RTN4RL1: variants seen among roughly 807,000 people sequenced by gnomAD.
RTN4RL1 encodes the protein reticulon-4 receptor-like 1.
A neutral mutation model predicts 25.6 loss-of-function variants in RTN4RL1; 7 were observed. The ratio of observed to expected loss-of-function variants is 0.27; its 90% CI spans 0.16 to 0.51. RTN4RL1 has a LOEUF of 0.51. Ranked by LOEUF, RTN4RL1 falls within the 20% of genes least tolerant of loss-of-function variation. The probability of loss-of-function intolerance (pLI) is 0.97; values close to 1 mark genes in which losing one functional copy is unlikely to be tolerated. For missense variants in RTN4RL1, 500 were observed against 615.6 expected (o/e 0.81, Z 1.99); for synonymous variants, 297 against 288.2 (o/e 1.03, Z -0.31).
In RTN4RL1 at chr17:2,010,223, G is replaced by A. The variant is rs915861243; in HGVS notation, c.13+14630C>T. 3.7e-5 allele frequency among the ~76,000 whole-genome samples: 4 copies of A among 108,314 alleles called. 1 individual carries two copies. Among genetic ancestry groups the A allele is most frequent in the Non-Finnish European group, 5.7e-5 (3 of 52,868 alleles). 71.1% of individuals were successfully genotyped at this position (108,314 alleles called of 152,430 possible). A position where few individuals can be genotyped will look rare whatever the true frequency, so the allele number is the denominator to read the frequency against. ...TATAATCCCAGCACTTTGGGAGGCC[G>A]ATGTGGGTAGATCACTTGAGGCCAG... On this transcript the variant is annotated intron_variant, in intron 1 of 1. Transcript: ENST00000331238.
intron 1 of RTN4RL1, among the ~76,000 whole-genome samples, chr17:1,985,716 C>G (rs373947989): frequency 1.3e-5 from 2 of 152,234 alleles, no homozygotes; most frequent in South Asian, 4.1e-4. Flanking sequence ...GGAAGCCAGC[C>G]GTCTGGTGGC....
intron 1 of RTN4RL1, among the ~76,000 whole-genome samples, chr17:1,939,158 C>T (rs1292435789): frequency 2.6e-5 from 4 of 152,006 alleles, no homozygotes; most frequent in South Asian, 2.1e-4. Context: ...CGAGACCATC[C>T]TGGCTAACAC....
In RTN4RL1 at chr17:2,024,966, T is replaced by C; in HGVS notation, c.-101A>G. 1.5e-6 allele frequency: 2 copies of C among 1,320,152 alleles called. No individual in the cohort carries two copies. Among genetic ancestry groups the C allele is most frequent in the Non-Finnish European group, 2.1e-6 (2 of 958,146 alleles). The allele number at this position is 1,320,152 out of a possible 1,614,324, so 81.8% of individuals were successfully genotyped here. ...GCCAGCTGCAGCTAATCCGAGCGCG[T>C]CGAGGCGGGGGCAAGCCGGGGATCC... is the stretch of plus-strand genomic sequence containing the variant. On this transcript the variant is annotated 5_prime_UTR_variant, in exon 1 of 2. Coordinates refer to ENST00000331238, the MANE Select transcript of RTN4RL1 (RefSeq NM_178568.4).
At chr17:1,957,123 A>G (rs1000568426) in intron 1 of RTN4RL1, among the ~76,000 whole-genome samples, 1 of 152,246 alleles carries the variant, frequency 6.6e-6, no homozygotes, top group African/African-American at 2.4e-5. Context: ...TAACGTTGGA[A>G]TGAACATCTT....
chr17:1,987,251 G>A lies in RTN4RL1; in HGVS notation c.13+37602C>T, dbSNP rs555682886. Among the ~76,000 whole-genome samples, 5 of 152,164 alleles carry A rather than the reference G, an allele frequency of 3.3e-5. No homozygotes were observed. In the East Asian group the frequency reaches 9.7e-4, roughly 30 times the overall value. ...GCCAGCTCAGCCCCCACCTTCCGGA[G>A]TGGGCTCGTACCCAATCAACACCTG... On this transcript the variant is annotated intron_variant, in intron 1 of 1. Coordinates refer to ENST00000331238, the MANE Select transcript of RTN4RL1 (RefSeq NM_178568.4).
At chr17:2,011,244 T>G (rs754153800) in intron 1 of RTN4RL1, among the ~76,000 whole-genome samples, 3 of 151,960 alleles carry the variant, frequency 2.0e-5, no homozygotes, top group African/African-American at 2.4e-5. Context: ...AGAGTGAAAC[T>G]CCATCTCAAA....
At chr17:2,013,705 C>T (rs2067082295) in intron 1 of RTN4RL1, among the ~76,000 whole-genome samples, 1 of 112,672 alleles carries the variant, frequency 8.9e-6, no homozygotes, top group Non-Finnish European at 1.8e-5. Context: ...AACATAAATA[C>T]GCCAGCTCCC....
intron 1 of RTN4RL1, among the ~76,000 whole-genome samples, chr17:1,982,862 G>A (rs1055288919): frequency 1.3e-5 from 2 of 152,124 alleles, no homozygotes; most frequent in African/African-American, 4.8e-5. Context: ...CCTCAGGGAG[G>A]GGCAGCGGCT....
chr17:1,987,791 C>A (rs2066893284), intron 1 of RTN4RL1, among the ~76,000 whole-genome samples: 1 of 151,908 alleles, frequency 6.6e-6, no homozygotes, highest in Non-Finnish European at 1.5e-5. Context: ...CATTATCCCA[C>A]AATATCTCTG....
intron 1 of RTN4RL1, among the ~76,000 whole-genome samples, chr17:1,947,050 C>CTG (rs140631174): frequency 6.3e-4 from 33 of 52,692 alleles, no homozygotes; most frequent in African/African-American, 1.6e-3. Context: ...GTGTGCGTCT[C>CTG]TGTGAATGTG....
At position 1,937,396 on chromosome 17, in the gene RTN4RL1, G is replaced by A. The variant is rs370252442; in HGVS notation, c.426C>T (p.Ala142=). 4.0e-5 allele frequency: 64 copies of A among 1,613,716 alleles called. No homozygotes were observed. The African/African-American group carries it at 5.2e-4, about 13-fold the overall frequency. The change falls in exon 2 of 2, where the codon GCC becomes GCT. Residue 142 remains alanine (A), a synonymous_variant. Transcript: ENST00000331238. The part of the protein sequence containing the change: ...LYKCGLSALP[A]GVFGGLHSLQ... ...GGCTGTGCAGGCCGCCAAAGACGCC[G>A]GCCGGCAAGGCGCTGAGCCCACACT... is the stretch of plus-strand genomic sequence containing the variant.
At chr17:1,949,820 G>A (rs1915637826) in intron 1 of RTN4RL1, among the ~76,000 whole-genome samples, 1 of 152,226 alleles carries the variant, frequency 6.6e-6, no homozygotes, top group Admixed American at 6.5e-5. Context: ...TAGAGACAAA[G>A]GAAGGGACCT....
chr17:1,971,505 T>C (rs1244106982), intron 1 of RTN4RL1, among the ~76,000 whole-genome samples: 1 of 152,152 alleles, frequency 6.6e-6, no homozygotes, highest in African/African-American at 2.4e-5. Context: ...GAGGTAGAAC[T>C]GAGGCTCTGA....
At chr17:1,967,143 C>A (rs559474164) in intron 1 of RTN4RL1, among the ~76,000 whole-genome samples, 1 of 149,132 alleles carries the variant, frequency 6.7e-6, no homozygotes, top group Non-Finnish European at 1.5e-5. Context: ...AGGCTCCCGC[C>A]GCTCCTCCCC....
chr17:2,023,040 G>C (rs2067229153), intron 1 of RTN4RL1, among the ~76,000 whole-genome samples: 1 of 152,234 alleles, frequency 6.6e-6, no homozygotes, highest in African/African-American at 2.4e-5. Flanking sequence ...TATAAATAAA[G>C]TGTGTGGGCT....
intron 1 of RTN4RL1, among the ~76,000 whole-genome samples, chr17:1,960,667 A>G (rs1018192930): frequency 1.3e-5 from 2 of 151,792 alleles, no homozygotes; most frequent in African/African-American, 2.4e-5. Flanking sequence ...CGTTTTCCTC[A>G]CCCCAAAAGG....
At chr17:1,951,504 T>G (rs1597491305) in intron 1 of RTN4RL1, among the ~76,000 whole-genome samples, 2 of 151,486 alleles carry the variant, frequency 1.3e-5, no homozygotes, top group South Asian at 4.2e-4. Flanking sequence ...CAGGCTGGAG[T>G]GCAGTGGTGC....
intron 1 of RTN4RL1, among the ~76,000 whole-genome samples, chr17:2,021,716 G>A (rs540848514): frequency 1.6e-4 from 24 of 151,790 alleles, no homozygotes; most frequent in Non-Finnish European, 3.2e-4. Flanking sequence ...CAGCACGCCC[G>A]GCTAATTTTT....
rs1173889999 is a variant in RTN4RL1 at position 1,998,817 on chromosome 17, A to T, written c.13+26036T>A. The stretch of plus-strand genomic sequence containing the variant: ...GTGGGGCTCTGCGAGGGCCCTAAAA[A>T]CGCTGGGGACGCGGGTTTGACGCAC... On this transcript the variant is annotated intron_variant, in intron 1 of 1. Coordinates refer to ENST00000331238, the MANE Select transcript of RTN4RL1 (RefSeq NM_178568.4). The surrounding 1 kb of genome is among the most constrained non-coding windows in gnomAD (Gnocchi z 4.9). 1.3e-5 allele frequency among the ~76,000 whole-genome samples: 2 copies of T among 151,880 alleles called. No individual in the cohort carries two copies. The highest frequency in any genetic ancestry group is 4.8e-5 in the African/African-American group (2 of 41,338).
Sources: allele counts gnomAD v4.1 joint callset (sites outside exome capture counted in the v4.1 genomes callset), GRCh38; gene constraint gnomAD v4.1.1; non-coding constraint Gnocchi (gnomAD v3.1); transcripts MANE v1.5; gene names NCBI Gene and HGNC (gene_info 2026-07-23, HGNC 2026-07-21).